OXCT1: variants seen among roughly 807,000 people sequenced by gnomAD.
The protein encoded by OXCT1 is 3-oxoacid CoA-transferase 1, also known as succinyl-CoA:3-ketoacid coenzyme A transferase 1, mitochondrial.
A neutral mutation model predicts 69.6 loss-of-function variants in OXCT1; 27 were observed. The observed-to-expected ratio is 0.39, with a 90% CI of 0.29 to 0.54. The LOEUF (loss-of-function observed/expected upper bound fraction) is 0.54. OXCT1 is among the 20% of genes least tolerant of loss of function. OXCT1 has a pLI of 0.72. For missense variants in OXCT1, 437 were observed against 650.2 expected (o/e 0.67, Z 3.57); for synonymous variants, 202 against 217.8 (o/e 0.93, Z 0.64).
intron 5 of OXCT1, among the ~76,000 whole-genome samples, chr5:41,849,682 T>A (rs2112439379): frequency 6.6e-6 from 1 of 152,336 alleles, no homozygotes; most frequent in African/African-American, 2.4e-5. Flanking sequence ...AAGAGTTTGC[T>A]AGCATGCATA....
At position 41,801,014 on chromosome 5, in the gene OXCT1, G is replaced by A. The variant is rs780935253; in HGVS notation, c.1099+8C>T. 1 of 1,610,530 alleles carries A rather than the reference G, an allele frequency of 6.2e-7. No individual in the cohort carries two copies. Among genetic ancestry groups the A allele is most frequent in the Non-Finnish European group, 8.5e-7 (1 of 1,176,926 alleles). On this transcript the variant is annotated splice_region_variant and intron_variant, in intron 11 of 16. Coordinates refer to ENST00000196371, the MANE Select transcript of OXCT1 (RefSeq NM_000436.4). ...GCAAAGGGAAGGGCTAGAAATAAGT[G>A]AGCTTACCTGCATTGATGAGATCTG...
intron 7 of OXCT1, among the ~76,000 whole-genome samples, chr5:41,833,021 G>A (rs907886185): frequency 2.6e-5 from 4 of 152,026 alleles, no homozygotes; most frequent in South Asian, 2.1e-4. Flanking sequence ...AAATAGCCTC[G>A]AAAGGGCCAA....
intron 14 of OXCT1, among the ~76,000 whole-genome samples, chr5:41,752,389 A>G (rs777260041): frequency 2.4e-4 from 37 of 152,036 alleles, no homozygotes; most frequent in Non-Finnish European, 4.6e-4. Flanking sequence ...ATGCTTATAT[A>G]TTGCATTTCT....
chr5:41,760,047 C>A (rs1262731555), intron 14 of OXCT1, among the ~76,000 whole-genome samples: 1 of 152,116 alleles, frequency 6.6e-6, no homozygotes, highest in Non-Finnish European at 1.5e-5. Context: ...TGAAAAAACT[C>A]TCTTCCCTAC....
intron 7 of OXCT1, among the ~76,000 whole-genome samples, chr5:41,834,829 C>G (rs1392331271): frequency 6.6e-6 from 1 of 151,974 alleles, no homozygotes; most frequent in Non-Finnish European, 1.5e-5. Context: ...TAGAGATCTA[C>G]AGAACATTTC....
intron 5 of OXCT1, among the ~76,000 whole-genome samples, chr5:41,848,517 T>C (rs1303129520): frequency 1.4e-5 from 2 of 144,534 alleles, no homozygotes; most frequent in African/African-American, 5.0e-5. Context: ...GGCATCACAC[T>C]ACCTGACTTC....
intron 7 of OXCT1, among the ~76,000 whole-genome samples, chr5:41,812,654 A>C (rs1482666059): frequency 6.6e-6 from 1 of 152,022 alleles, no homozygotes; most frequent in African/African-American, 2.4e-5. Flanking sequence ...AGAACTTGAA[A>C]ATGATAATCA....
chr5:41,756,275 T>C (rs1301031327), intron 14 of OXCT1, among the ~76,000 whole-genome samples: 1 of 152,072 alleles, frequency 6.6e-6, no homozygotes, highest in African/African-American at 2.4e-5. Flanking sequence ...TTTTGTGGTC[T>C]GAAAGTTATA....
intron 13 of OXCT1, among the ~76,000 whole-genome samples, chr5:41,773,611 G>A (rs541363969): frequency 1.9e-4 from 18 of 94,902 alleles, no homozygotes; most frequent in African/African-American, 3.1e-4. Context: ...TTCGCAACCC[G>A]CCCACCCCCA....
At chr5:41,753,230 C>T (rs947396946) in intron 14 of OXCT1, among the ~76,000 whole-genome samples, 1 of 151,902 alleles carries the variant, frequency 6.6e-6, no homozygotes, top group Non-Finnish European at 1.5e-5. Flanking sequence ...TCATTTCATG[C>T]TCATCTTTTC....
rs563251203 is a variant in OXCT1 at position 41,735,605 on chromosome 5, A to G, written c.1521+3785T>C. ...TTTTTACCAGTTATTTAAAAATAGG[A>G]AAGCATTACTGAACAGCATCACAAG... On this transcript the variant is annotated intron_variant, in intron 16 of 16. Coordinates refer to ENST00000196371, the MANE Select transcript of OXCT1 (RefSeq NM_000436.4). Among the ~76,000 whole-genome samples, 75 of 152,340 alleles carry G rather than the reference A, an allele frequency of 4.9e-4. 1 individual carries two copies. The highest frequency in any genetic ancestry group is 3.1e-3 in the South Asian group (15 of 4,826).
At position 41,739,419 on chromosome 5, in the gene OXCT1, C is replaced by T. The variant is rs778813276; in HGVS notation, c.1492G>A (p.Val498Ile). 79 of 1,612,572 alleles carry T rather than the reference C, an allele frequency of 4.9e-5. No homozygotes were observed. The highest frequency in any genetic ancestry group is 6.3e-5 in the Non-Finnish European group (74 of 1,178,656). Residue 498 changes from valine to isoleucine, a missense_variant, in exon 16 of 17, where the codon GTA (valine) becomes ATA (isoleucine). Physicochemically the swap from Val to Ile is conservative, Grantham distance 29. Coordinates refer to ENST00000196371, the MANE Select transcript of OXCT1 (RefSeq NM_000436.4). ...ELWEGLTVDDVQKSTGCDFAV... is the reference protein window; with the variant it reads ...ELWEGLTVDDIQKSTGCDFAV... ...AAATCACACCCAGTACTCTTCTGTA[C>T]GTCATCCACTGTCAGGCCTTCCCAG...
chr5:41,738,044 G>T lies in OXCT1; in HGVS notation c.1521+1346C>A, dbSNP rs1179548657. Among the ~76,000 whole-genome samples the T allele has an allele frequency of 3.3e-5, 5 of 152,036 alleles. No homozygotes were observed. The East Asian group carries it at 9.7e-4, about 29-fold the overall frequency. ...CACTCCAGCCTGGGCAACAGAACAA[G>T]ACTCCGTCTTAAAAAAAAAATGTGT... On this transcript the variant is annotated intron_variant, in intron 16 of 16. Transcript: ENST00000196371.
rs142495104 is a variant in OXCT1 at position 41,757,818 on chromosome 5, TAG to T, written c.1338+4291_1338+4292del. On this transcript the variant is annotated intron_variant, in intron 14 of 16. Transcript: ENST00000196371. Reference sequence around the variant, plus strand: ...TGGGAAACACCATGATGCCTTTCTGTAGATCTTAGTAGACCTTAAGTTCTGCG... The same window carrying T: ...TGGGAAACACCATGATGCCTTTCTGTATCTTAGTAGACCTTAAGTTCTGCG... Among the ~76,000 whole-genome samples the T allele has an allele frequency of 4.9e-3, 746 of 152,228 alleles. 7 individuals are homozygous for T. The highest frequency in any genetic ancestry group is 0.017 in the African/African-American group (699 of 41,552).
At chr5:41,857,722 C>A (rs947652117) in intron 3 of OXCT1, among the ~76,000 whole-genome samples, 1 of 152,200 alleles carries the variant, frequency 6.6e-6, no homozygotes, top group Admixed American at 6.5e-5. Context: ...AATACAAATT[C>A]CAGTGTTCTT....
Position 41,762,320 on chromosome 5 carries a change from A to G in OXCT1, c.1249-120T>C. 1 of 811,634 alleles carries G rather than the reference A, an allele frequency of 1.2e-6. No individual in the cohort carries two copies. Among genetic ancestry groups the G allele is most frequent in the Non-Finnish European group, 2.2e-6 (1 of 455,304 alleles). The allele number at this position is 811,634 out of a possible 1,614,324, so 50.3% of individuals were successfully genotyped here. A position where few individuals can be genotyped will look rare whatever the true frequency, so the allele number is the denominator to read the frequency against. ...AAAAACTCATTGTCCTTCATTGCTTAGTGCTTGAAGTTCTATAACCTAATA... is the reference window on the plus strand; with the variant it reads ...AAAAACTCATTGTCCTTCATTGCTTGGTGCTTGAAGTTCTATAACCTAATA... On this transcript the variant is annotated intron_variant, in intron 13 of 16. Transcript: ENST00000196371. This position sits in a 1 kb window ranked among gnomAD's most constrained non-coding sequence, Gnocchi z 4.0.
intron 13 of OXCT1, among the ~76,000 whole-genome samples, chr5:41,769,272 C>G (rs981641307): frequency 6.6e-6 from 1 of 152,054 alleles, no homozygotes; most frequent in African/African-American, 2.4e-5. Flanking sequence ...CTCTAACCAC[C>G]CTTCCCCCCA....
chr5:41,773,413 A>G (rs1449200978), intron 13 of OXCT1, among the ~76,000 whole-genome samples: 2 of 137,094 alleles, frequency 1.5e-5, no homozygotes, highest in African/African-American at 5.2e-5. Flanking sequence ...TGTCTCTACG[A>G]AAAAAAAAAA....
At chr5:41,868,967 G>C (rs1248948690) in intron 1 of OXCT1, among the ~76,000 whole-genome samples, 1 of 152,162 alleles carries the variant, frequency 6.6e-6, no homozygotes, top group Non-Finnish European at 1.5e-5. Flanking sequence ...ATTACAGTTG[G>C]GCAAATCAGT....
Sources: allele counts gnomAD v4.1 joint callset (sites outside exome capture counted in the v4.1 genomes callset), GRCh38; gene constraint gnomAD v4.1.1; non-coding constraint Gnocchi (gnomAD v3.1); transcripts MANE v1.5; gene names NCBI Gene and HGNC (gene_info 2026-07-23, HGNC 2026-07-21).